The following CD55 variants were observed in gnomAD, a reference collection of about 807,000 sequenced individuals.
CD55 encodes complement decay-accelerating factor.
A neutral mutation model predicts 45.8 loss-of-function variants in CD55; 41 were observed. That is an observed-to-expected ratio of 0.90 (90% CI 0.70 to 1.16). The LOEUF (loss-of-function observed/expected upper bound fraction) is 1.16. Ranked by LOEUF, CD55 falls within the 50% of genes most tolerant of loss-of-function variation. CD55 has a pLI of 0.00. For synonymous variants in CD55, 181 were observed against 181.1 expected, an observed-to-expected ratio of 1.00 and a Z score of 0.01; for missense variants, 416 against 469.8, an observed-to-expected ratio of 0.89 and a Z score of 1.06.
At chr1:207,341,315 G>T (rs927354434) in intron 9 of CD55, among the ~76,000 whole-genome samples, 3 of 151,944 alleles carry the variant, frequency 2.0e-5, no homozygotes, top group African/African-American at 7.3e-5. Flanking sequence ...CTATGCTTTT[G>T]AGGTTTTAGC....
chr1:207,346,826 G>A (rs1426159265), intron 9 of CD55, among the ~76,000 whole-genome samples: 1 of 152,128 alleles, frequency 6.6e-6, no homozygotes, highest in Non-Finnish European at 1.5e-5. Flanking sequence ...CTTACTCTCT[G>A]GAGTAATGCC....
intron 9 of CD55, among the ~76,000 whole-genome samples, chr1:207,340,940 C>T (rs988545744): frequency 4.6e-5 from 7 of 152,250 alleles, no homozygotes; most frequent in African/African-American, 7.2e-5. Context: ...CTTTTCTTCA[C>T]GTCCTCACCA....
intron 9 of CD55, chr1:207,340,553 G>C: frequency 1.4e-6 from 1 of 698,320 alleles, no homozygotes; most frequent in Non-Finnish European, 2.6e-6. Flanking sequence ...TTTATTTTTT[G>C]TAGAGACAGG....
intron 9 of CD55, among the ~76,000 whole-genome samples, chr1:207,354,744 A>G (rs1247237643): frequency 6.6e-6 from 1 of 152,182 alleles, no homozygotes; most frequent in Non-Finnish European, 1.5e-5. Flanking sequence ...TTGGGAGATA[A>G]TATGCTCTTA....
chr1:207,352,394 A>T (rs1030249072), intron 9 of CD55, among the ~76,000 whole-genome samples: 14 of 151,464 alleles, frequency 9.2e-5, no homozygotes, highest in African/African-American at 2.7e-4. Flanking sequence ...AAAAAGGAAA[A>T]TTTTTTTTTA....
At chr1:207,339,367 G>C in intron 8 of CD55, 30 bp from the exon 9 acceptor site, 2 of 1,593,328 alleles carry the variant, frequency 1.3e-6, no homozygotes, top group Non-Finnish European at 1.7e-6. Flanking sequence ...AATTTTTGTT[G>C]TTAATCCTTT....
At chr1:207,322,598 G>C (rs1236154964) in intron 2 of CD55, 31 bp downstream of exon 2, 2 of 1,544,968 alleles carry the variant, frequency 1.3e-6, no homozygotes, top group African/African-American at 2.8e-5. Context: ...GAAAAGTTCT[G>C]GGAATGGAAT....
intron 3 of CD55, 44 bp from the exon 4 acceptor site, chr1:207,325,578 C>T (rs767161033): frequency 9.1e-6 from 11 of 1,206,838 alleles, no homozygotes; most frequent in Non-Finnish European, 1.3e-5. Context: ...TGTGTGTATG[C>T]CTGATAATTT....
At chr1:207,351,494 T>G in intron 9 of CD55, among the ~76,000 whole-genome samples, 1 of 152,194 alleles carries the variant, frequency 6.6e-6, no homozygotes, top group East Asian at 1.9e-4. Flanking sequence ...TCATAGGTCT[T>G]TAAGAACTTG....
chr1:207,335,084 A>G (rs1295072573), intron 6 of CD55, among the ~76,000 whole-genome samples: 1 of 152,196 alleles, frequency 6.6e-6, no homozygotes, highest in Non-Finnish European at 1.5e-5. Context: ...CCAACTCAAC[A>G]GTAATATATC....
At chr1:207,343,015 T>G (rs28738997) in intron 9 of CD55, among the ~76,000 whole-genome samples, 450 of 152,294 alleles carry the variant, frequency 3.0e-3, no homozygotes, top group African/African-American at 9.0e-3. Flanking sequence ...TGATATTTTG[T>G]ATTTCTGTGG....
rs145065025 is a variant in CD55 at position 207,329,708 on chromosome 1, C to T, written c.665-1400C>T. 2.5e-3 allele frequency among the ~76,000 whole-genome samples: 379 copies of T among 152,108 alleles called. 2 individuals are homozygous for T. The highest frequency in any genetic ancestry group is 8.7e-3 in the African/African-American group (361 of 41,498). On this transcript the variant is annotated intron_variant, in intron 5 of 9. Coordinates refer to ENST00000367064, the MANE Select transcript of CD55 (RefSeq NM_000574.5). ...CTCACTGCAGCCTCAACCTCCTTGG[C>T]CCAAGTGATCCTCCCACCTCAGCCT...
In CD55 at chr1:207,325,693, G is replaced by A. The variant is rs1451446506; in HGVS notation, c.550G>A (p.Ala184Thr). ...IDVPGGILFG[A>T]TISFSCNTGY... ...TGTACCAGGTGGCATATTATTTGGT[G>A]CAACCATCTCCTTCTCATGTAACAC... The change falls in exon 4 of 10, where the codon GCA becomes ACA. Residue 184 changes from alanine to threonine, a missense_variant. Around this residue, in one of 3 missense-constraint regions of CD55, gnomAD observed 111 missense variants for 163.4 expected, o/e 0.68. Transcript: ENST00000367064. 4 of 1,608,692 alleles carry A rather than the reference G, an allele frequency of 2.5e-6. No homozygotes were observed. Among genetic ancestry groups the A allele is most frequent in the Non-Finnish European group, 2.6e-6 (3 of 1,176,164 alleles).
intron 9 of CD55, among the ~76,000 whole-genome samples, chr1:207,355,390 A>C (rs1414895274): frequency 6.6e-6 from 1 of 152,152 alleles, no homozygotes; most frequent in Middle Eastern, 3.2e-3. Context: ...GTGAGAGAAA[A>C]GGGCAAATGG....
chr1:207,338,861 T>C (rs1014983912), intron 8 of CD55, among the ~76,000 whole-genome samples: 23 of 152,192 alleles, frequency 1.5e-4, no homozygotes, highest in African/African-American at 5.5e-4. Flanking sequence ...CTTGAGTCAA[T>C]GTGTTCACCT....
chr1:207,334,996 C>T (rs1655105928), intron 6 of CD55, among the ~76,000 whole-genome samples: 1 of 152,032 alleles, frequency 6.6e-6, no homozygotes, highest in South Asian at 2.1e-4. Context: ...CAAATATTAA[C>T]CCTTCAAAAT....
intron 7 of CD55, chr1:207,337,055 A>T: frequency 1.6e-6 from 1 of 614,028 alleles, no homozygotes; most frequent in Non-Finnish European, 2.9e-6. Flanking sequence ...TCAGAAACCC[A>T]CCAGAGCAAA....
At chr1:207,325,480 A>G (rs1310730592) in intron 3 of CD55, 142 bp from the exon 4 acceptor site, 5 of 496,488 alleles carry the variant, frequency 1.0e-5, no homozygotes, top group Non-Finnish European at 1.8e-5. Context: ...GGTGTACAAC[A>G]TGATGTTTTG....
chr1:207,359,202 T>C (rs1044965429), intron 9 of CD55, among the ~76,000 whole-genome samples: 1 of 152,142 alleles, frequency 6.6e-6, no homozygotes, highest in African/African-American at 2.4e-5. Context: ...CATGTAGTAG[T>C]ATTCAGGGGT....
Sources: gnomAD v4.1 joint callset for allele counts (sites outside exome capture counted in the v4.1 genomes callset) on GRCh38, gnomAD v4.1.1 for gene constraint, gnomAD v4.1.1 regional missense constraint, MANE v1.5 for transcripts, NCBI Gene and HGNC (gene_info 2026-07-23, HGNC 2026-07-21) for gene names.